Variants in NELL1 observed in about 807,000 individuals in gnomAD.
NELL1 encodes the protein neural EGFL like 1.
Under a neutral mutation model 107.4 loss-of-function variants are expected in NELL1, and 76 were observed. The ratio of observed to expected loss-of-function variants is 0.71; its 90% CI spans 0.59 to 0.86. The LOEUF is 0.86. Among genes scored for constraint, NELL1 ranks in the 40% least tolerant of loss-of-function variants. The pLI, the probability that NELL1 is intolerant of heterozygous loss-of-function variation, is 0.00. For synonymous variants in NELL1, 353 were observed against 341.2 expected (o/e 1.03, Z -0.38); for missense variants, 1,024 against 1,005.5 (o/e 1.02, Z -0.25).
At chr11:20,847,935 A>G (rs1285438745) in intron 4 of NELL1, among the ~76,000 whole-genome samples, 182 bp downstream of exon 4, 2 of 152,214 alleles carry the variant, frequency 1.3e-5, no homozygotes, top group Non-Finnish European at 2.9e-5. Context: ...ATATGATAAG[A>G]AAACAGTTCA....
At chr11:20,714,879 ATAAGT>A (rs1275799386) in intron 2 of NELL1, among the ~76,000 whole-genome samples, 2 of 152,158 alleles carry the variant, frequency 1.3e-5, no homozygotes, top group Non-Finnish European at 2.9e-5. Flanking sequence ...TTCACCTTAT[ATAAGT>A]TAAGAAAATT....
At chr11:21,215,294 C>A (rs1857589797) in intron 13 of NELL1, among the ~76,000 whole-genome samples, 1 of 152,172 alleles carries the variant, frequency 6.6e-6, no homozygotes, top group African/African-American at 2.4e-5. Flanking sequence ...TTATAAGTTT[C>A]CTGAGGCCTT....
At position 21,113,657 on chromosome 11, in the gene NELL1, T is replaced by C. The variant is rs561468649; in HGVS notation, c.1369T>C (p.Leu457=). Residue 457 remains leucine, a synonymous_variant, in exon 13 of 20, where the codon TTA becomes CTA. Transcript: ENST00000357134. ...ANTVCVNLPG[L]YRCDCVPGYI... The stretch of plus-strand genomic sequence containing the variant: ...TACTGTGTGTGTCAACCTTCCTGGG[T>C]TATATCGCTGTGACTGTGTCCCAGG... 2 of 1,612,364 alleles carry C rather than the reference T, an allele frequency of 1.2e-6. No homozygotes were observed. The highest frequency in any genetic ancestry group is 1.3e-5 in the African/African-American group (1 of 74,910).
chr11:21,565,280 G>A (rs1440473499), intron 17 of NELL1, among the ~76,000 whole-genome samples: 1 of 151,842 alleles, frequency 6.6e-6, no homozygotes, highest in Non-Finnish European at 1.5e-5. Context: ...TCCTGTAAAG[G>A]AACAGGGCGT....
At chr11:21,409,994 TTTTA>T (rs1337133779) in intron 15 of NELL1, among the ~76,000 whole-genome samples, 2 of 152,070 alleles carry the variant, frequency 1.3e-5, no homozygotes, top group Admixed American at 6.6e-5. Context: ...TTCATTAAGA[TTTTA>T]TTTATGTTAA....
chr11:21,400,648 T>C (rs896292073), intron 15 of NELL1, among the ~76,000 whole-genome samples: 1 of 151,924 alleles, frequency 6.6e-6, no homozygotes, highest in Non-Finnish European at 1.5e-5. Flanking sequence ...TCATTTCTGC[T>C]CTGCCCAAGC....
intron 16 of NELL1, among the ~76,000 whole-genome samples, chr11:21,545,617 G>A (rs1564952608): frequency 6.6e-6 from 1 of 151,878 alleles, no homozygotes; most frequent in Non-Finnish European, 1.5e-5. Context: ...TTCTGAACAA[G>A]ACCTTGAAGT....
Position 21,498,348 on chromosome 11 carries a change from C to CATAT in NELL1, c.1646-36014_1646-36011dup, listed in dbSNP as rs36022880. Among the ~76,000 whole-genome samples, 343 of 143,000 alleles carry CATAT rather than the reference C, an allele frequency of 2.4e-3. 2 individuals carry two copies. The highest frequency in any genetic ancestry group is 7.4e-3 in the Admixed American group (104 of 14,056). 93.8% of individuals were successfully genotyped at this position (143,000 alleles called of 152,430 possible). A position where few individuals can be genotyped will look rare whatever the true frequency, so the allele number is the denominator to read the frequency against. On this transcript the variant is annotated intron_variant, in intron 15 of 19. Transcript: ENST00000357134. ...CATAAACATATTATATATATATATA[C>CATAT]ATATATATATATATACAGACACACA...
At chr11:21,282,440 A>C (rs1344926892) in intron 14 of NELL1, among the ~76,000 whole-genome samples, 1 of 147,588 alleles carries the variant, frequency 6.8e-6, no homozygotes, top group Non-Finnish European at 1.5e-5. Context: ...ACATCATACC[A>C]TGCACTCCAG....
chr11:21,214,015 G>A (rs924408580), intron 13 of NELL1, among the ~76,000 whole-genome samples: 4 of 152,120 alleles, frequency 2.6e-5, no homozygotes, highest in African/African-American at 9.7e-5. Context: ...GTGAAAGACT[G>A]TGATAGAATG....
chr11:21,441,330 C>CTTGTGTGT (rs1309300543), intron 15 of NELL1, among the ~76,000 whole-genome samples: 19 of 140,244 alleles, frequency 1.4e-4, no homozygotes, highest in East Asian at 4.1e-4. Flanking sequence ...GAGGCTGTGA[C>CTTGTGTGT]GTGTGTGTGT....
chr11:21,138,869 C>T (rs528485756), intron 13 of NELL1, among the ~76,000 whole-genome samples: 8 of 152,218 alleles, frequency 5.3e-5, no homozygotes, highest in East Asian at 3.9e-4. Context: ...TTTGTCTGCT[C>T]TTGTGCCAAA....
At chr11:20,863,593 G>A (rs999596458) in intron 4 of NELL1, among the ~76,000 whole-genome samples, 3 of 150,372 alleles carry the variant, frequency 2.0e-5, no homozygotes, top group Non-Finnish European at 4.5e-5. Context: ...ACGGGATGGC[G>A]GCCGGGAAGA....
chr11:21,478,663 T>A, intron 15 of NELL1, among the ~76,000 whole-genome samples: 1 of 144,996 alleles, frequency 6.9e-6, no homozygotes, highest in East Asian at 2.0e-4. Context: ...ACAATCAAAG[T>A]AAAATTAGAG....
intron 12 of NELL1, among the ~76,000 whole-genome samples, chr11:21,070,498 T>C (rs1853985073): frequency 6.6e-6 from 1 of 152,136 alleles, no homozygotes; most frequent in Admixed American, 6.6e-5. Context: ...GCAGTAAATC[T>C]TATTGCTGTT....
chr11:21,290,154 G>A (rs2133958378), intron 14 of NELL1, among the ~76,000 whole-genome samples: 2 of 152,194 alleles, frequency 1.3e-5, no homozygotes, highest in East Asian at 1.9e-4. Context: ...CGGATCACGA[G>A]GTCAGGAGAT....
At chr11:20,689,262 C>T (rs1854389342) in intron 2 of NELL1, among the ~76,000 whole-genome samples, 1 of 146,950 alleles carries the variant, frequency 6.8e-6, no homozygotes, top group Non-Finnish European at 1.5e-5. Flanking sequence ...TTTTACTATG[C>T]AGAAGCCCTT....
At chr11:20,879,240 C>T (rs924709598) in intron 4 of NELL1, among the ~76,000 whole-genome samples, 1 of 152,174 alleles carries the variant, frequency 6.6e-6, no homozygotes, top group African/African-American at 2.4e-5. Context: ...TGGAAGCTAC[C>T]GTGTCACATG....
chr11:21,314,810 ATT>A (rs1249097646), intron 14 of NELL1, among the ~76,000 whole-genome samples: 1 of 152,016 alleles, frequency 6.6e-6, no homozygotes, highest in Non-Finnish European at 1.5e-5. Flanking sequence ...TGGAAAGATT[ATT>A]GGCTGATGGC....
Sources: allele counts gnomAD v4.1 joint callset (sites outside exome capture counted in the v4.1 genomes callset), GRCh38; gene constraint gnomAD v4.1.1; transcripts MANE v1.5; gene names NCBI Gene and HGNC (gene_info 2026-07-23, HGNC 2026-07-21).